The following USP46 variants were observed in gnomAD, a reference collection of about 807,000 sequenced individuals.
USP46 encodes the protein ubiquitin specific peptidase 46.
USP46 carries 12 observed loss-of-function variants against 44.4 expected under a neutral mutation model. The ratio of observed to expected loss-of-function variants is 0.27; its 90% CI spans 0.17 to 0.44. The LOEUF (loss-of-function observed/expected upper bound fraction) is 0.44. Ranked by LOEUF, USP46 falls within the 20% of genes least tolerant of loss-of-function variation. The probability of loss-of-function intolerance (pLI) is 1.00; values close to 1 mark genes in which losing one functional copy is unlikely to be tolerated. For synonymous variants in USP46, 155 were observed against 161.5 expected (o/e 0.96, Z 0.31); for missense variants, 248 against 444.8 (o/e 0.56, Z 3.98).
Position 52,626,105 on chromosome 4 carries a change from C to T in USP46, c.474G>A (p.Ala158=), listed in dbSNP as rs1363017106. The T allele has an allele frequency of 5.0e-6, 8 of 1,613,840 alleles. No individual in the cohort carries two copies. The highest frequency in any genetic ancestry group is 2.2e-5 in the East Asian group (1 of 44,866). Residue 158 remains alanine, a synonymous_variant, in exon 4 of 9, where the codon GCG becomes GCA. Transcript: ENST00000441222. ...AGGTGAGTTCTGGTTTATTATTTTCCGCAGGTTCGTTCATGTTGCCATTTT... is the reference window on the plus strand; with the variant it reads ...AGGTGAGTTCTGGTTTATTATTTTCTGCAGGTTCGTTCATGTTGCCATTTT... ...KLKNGNMNEP[A]ENNKPELTWV... is the part of the protein sequence containing the mutation.
intron 6 of USP46, among the ~76,000 whole-genome samples, chr4:52,602,581 T>C (rs1306041958): frequency 1.3e-5 from 2 of 152,192 alleles, no homozygotes; most frequent in African/African-American, 2.4e-5. Context: ...CCTTGTGATC[T>C]TGGGCAAGTC....
At chr4:52,620,988 G>T (rs1717353415) in intron 4 of USP46, among the ~76,000 whole-genome samples, 1 of 152,104 alleles carries the variant, frequency 6.6e-6, no homozygotes, top group African/African-American at 2.4e-5. Context: ...AATCTCACAA[G>T]GGATACTGAG....
chr4:52,632,980 G>GAAAGAAAGAAAGAAAAGA (rs1553891291), intron 1 of USP46, among the ~76,000 whole-genome samples: 58 of 71,386 alleles, frequency 8.1e-4, no homozygotes, highest in Admixed American at 1.5e-3. Context: ...AAGAAAGAAA[G>GAAAGAAAGAAAGAAAAGA]AAAGAAAAGA....
intron 1 of USP46, among the ~76,000 whole-genome samples, chr4:52,637,552 G>A (rs1291430358): frequency 6.6e-6 from 1 of 151,932 alleles, no homozygotes; most frequent in Non-Finnish European, 1.5e-5. Flanking sequence ...TGCCGACATC[G>A]TCCTCTGCAC....
At chr4:52,619,107 C>G (rs1208126722) in intron 4 of USP46, among the ~76,000 whole-genome samples, 1 of 152,142 alleles carries the variant, frequency 6.6e-6, no homozygotes, top group Non-Finnish European at 1.5e-5. Context: ...AGGGAGCATG[C>G]AAGGCTACAG....
intron 1 of USP46, among the ~76,000 whole-genome samples, chr4:52,645,407 C>A (rs2109660335): frequency 6.6e-6 from 1 of 152,204 alleles, no homozygotes; most frequent in South Asian, 2.1e-4. Context: ...CAAAACAATT[C>A]TCCATATATT....
chr4:52,647,279 C>T (rs537047207), intron 1 of USP46, among the ~76,000 whole-genome samples: 52 of 152,270 alleles, frequency 3.4e-4, no homozygotes, highest in African/African-American at 1.2e-3. Flanking sequence ...GAAATATAAA[C>T]ACAGTTGCTT....
chr4:52,610,574 A>G lies in USP46; in HGVS notation c.605T>C (p.Val202Ala). 1 of 1,614,016 alleles carries G rather than the reference A, an allele frequency of 6.2e-7. No individual in the cohort carries two copies. The highest frequency in any genetic ancestry group is 8.5e-7 in the Non-Finnish European group (1 of 1,179,890). Reference protein sequence around the residue: ...DEDFLDLSVDVEQNTSITHCL... With the variant: ...DEDFLDLSVDAEQNTSITHCL... ...GTGGGTAATGGATGTATTCTGCTCC[A>G]CATCAACAGAAAGGTCAAGAAAATC... Residue 202 changes from valine to alanine, a missense_variant, in exon 5 of 9, where the codon GTG becomes GCG. Around this residue, in one of 5 missense-constraint regions of USP46, gnomAD observed 98 missense variants for 218.2 expected, o/e 0.45. Coordinates refer to ENST00000441222, the MANE Select transcript of USP46 (RefSeq NM_022832.4).
chr4:52,592,790 G>T lies in USP46; in HGVS notation c.*4850C>A. 1 of 398,126 alleles carries T rather than the reference G, an allele frequency of 2.5e-6. No individual in the cohort carries two copies. Among genetic ancestry groups the T allele is most frequent in the South Asian group, 1.3e-4 (1 of 7,714 alleles). 24.7% of individuals were successfully genotyped at this position (398,126 alleles called of 1,614,324 possible). ...GGAGGCAGAGGTTGCAGTGAGCTGA[G>T]ATCTCATCACTGCACTCCAGCCTGG... On this transcript the variant is annotated 3_prime_UTR_variant, in exon 9 of 9. Coordinates refer to ENST00000441222, the MANE Select transcript of USP46 (RefSeq NM_022832.4).
intron 4 of USP46, among the ~76,000 whole-genome samples, chr4:52,613,959 C>T (rs997514606): frequency 2.0e-5 from 3 of 151,950 alleles, no homozygotes; most frequent in Non-Finnish European, 4.4e-5. Context: ...AAAATATACT[C>T]GCAATGCATC....
chr4:52,604,616 A>T, intron 5 of USP46, 32 bp from the exon 6 acceptor site: 1 of 1,490,958 alleles, frequency 6.7e-7, no homozygotes, highest in East Asian at 2.3e-5. Flanking sequence ...TCTTTAAAAA[A>T]TGTCCAAATC....
intron 5 of USP46, 41 bp downstream of exon 5, chr4:52,610,500 A>C: frequency 6.4e-7 from 1 of 1,573,346 alleles, no homozygotes; most frequent in Non-Finnish European, 8.7e-7. Flanking sequence ...ACTTAGTTAC[A>C]AGCCTGATCA....
chr4:52,601,759 T>A (rs1716481851), intron 7 of USP46, 98 bp downstream of exon 7: 1 of 1,297,866 alleles, frequency 7.7e-7, no homozygotes, highest in Non-Finnish European at 1.0e-6. Context: ...CCAAAACTAT[T>A]GAGTGCCACG....
intron 5 of USP46, among the ~76,000 whole-genome samples, chr4:52,609,894 ATTTCTTTTTTTTTTTTTTTTTTTTTTTTT>A (rs1716864739): frequency 2.4e-4 from 5 of 20,646 alleles, no homozygotes; most frequent in Admixed American, 2.1e-3. Context: ...CCTCAATTCT[ATTTCTTTTTTTTTTTTTTTTTTTTTTTTT>A]TTTTTTTTTT....
intron 4 of USP46, among the ~76,000 whole-genome samples, chr4:52,621,832 C>T (rs1717386131): frequency 6.6e-6 from 1 of 152,182 alleles, no homozygotes; most frequent in African/African-American, 2.4e-5. Flanking sequence ...TAGTTTGTAG[C>T]AGCACTGTCT....
chr4:52,603,496 A>C (rs534149319), intron 6 of USP46, among the ~76,000 whole-genome samples: 4 of 152,154 alleles, frequency 2.6e-5, no homozygotes, highest in Non-Finnish European at 4.4e-5. Context: ...GCTGCCTTGA[A>C]TACTCCAGAA....
At chr4:52,613,823 T>C (rs1178552471) in intron 4 of USP46, among the ~76,000 whole-genome samples, 1 of 152,042 alleles carries the variant, frequency 6.6e-6, no homozygotes, top group Non-Finnish European at 1.5e-5. Flanking sequence ...TTACACTATG[T>C]GACAAATGTC....
At chr4:52,598,727 G>C in intron 7 of USP46, 21 bp from the exon 8 acceptor site, 3 of 1,588,054 alleles carry the variant, frequency 1.9e-6, no homozygotes, top group Non-Finnish European at 2.6e-6. Flanking sequence ...ACAAATAAAA[G>C]GCAGTTAGCA....
intron 1 of USP46, among the ~76,000 whole-genome samples, chr4:52,646,549 G>T (rs1431160234): frequency 6.6e-6 from 1 of 152,064 alleles, no homozygotes; most frequent in Admixed American, 6.5e-5. Context: ...GAGTAATTTT[G>T]TATCTGTCAA....
Sources: gnomAD v4.1 joint callset for allele counts (sites outside exome capture counted in the v4.1 genomes callset) on GRCh38, gnomAD v4.1.1 for gene constraint, gnomAD v4.1.1 regional missense constraint, MANE v1.5 for transcripts, NCBI Gene and HGNC (gene_info 2026-07-23, HGNC 2026-07-21) for gene names.